TMEM263: variants seen among roughly 807,000 people sequenced by gnomAD.
TMEM263 encodes the protein UPF0444 transmembrane protein C12orf23.
Under a neutral mutation model 8.6 loss-of-function variants are expected in TMEM263, and 5 were observed. The observed-to-expected ratio is 0.58, with a 90% CI of 0.31 to 1.23. TMEM263 has a LOEUF of 1.23. TMEM263 is among the 50% of genes most tolerant of loss of function. TMEM263 has a pLI of 0.07. For missense variants in TMEM263, 104 were observed against 138.8 expected, an observed-to-expected ratio of 0.75 and a Z score of 1.26; for synonymous variants, 50 against 47.9, an observed-to-expected ratio of 1.04 and a Z score of -0.18.
At chr12:106,961,996 T>C (rs993018837) in intron 2 of TMEM263, among the ~76,000 whole-genome samples, 3 of 152,232 alleles carry the variant, frequency 2.0e-5, no homozygotes, top group Non-Finnish European at 4.4e-5. Context: ...TATTTATGAA[T>C]ATTACTGATT....
chr12:106,960,042 CT>C (rs371635955), intron 2 of TMEM263, among the ~76,000 whole-genome samples: 61 of 149,276 alleles, frequency 4.1e-4, no homozygotes, highest in African/African-American at 4.7e-4. Context: ...CAAAACTAAT[CT>C]TTTTTTTTTG....
intron 2 of TMEM263, among the ~76,000 whole-genome samples, chr12:106,964,869 A>T (rs1256870039): frequency 6.6e-6 from 1 of 152,210 alleles, no homozygotes; most frequent in Non-Finnish European, 1.5e-5. Flanking sequence ...CATCCAAGCC[A>T]CCAACATTTT....
chr12:106,967,375 C>T (rs1464554856), intron 3 of TMEM263, 195 bp downstream of exon 3: 2 of 412,076 alleles, frequency 4.9e-6, no homozygotes, highest in African/African-American at 2.1e-5. Context: ...TCTCCTGCCT[C>T]AGCCTCCCAA....
At position 106,974,006 on chromosome 12, in the gene TMEM263, T is replaced by G. The variant is rs1196291833; in HGVS notation, c.*2615T>G. ...CAAACGATGGAATGTTTCATAAAGATCTAAAGAAATAAAGGAAACTTTAAA... is the reference window on the plus strand; with the variant it reads ...CAAACGATGGAATGTTTCATAAAGAGCTAAAGAAATAAAGGAAACTTTAAA... On this transcript the variant is annotated 3_prime_UTR_variant, in exon 4 of 4. Transcript: ENST00000280756. 6.6e-6 allele frequency: 1 copy of G among 152,328 alleles called. No homozygotes were observed. Among genetic ancestry groups the G allele is most frequent in the East Asian group, 1.9e-4 (1 of 5,206 alleles). 9.4% of individuals were successfully genotyped at this position (152,328 alleles called of 1,614,324 possible). A position where few individuals can be genotyped will look rare whatever the true frequency, so the allele number is the denominator to read the frequency against.
Position 106,971,117 on chromosome 12 carries a change from A to G in TMEM263, c.77A>G (p.Asp26Gly). The G allele has an allele frequency of 1.2e-6, 2 of 1,614,060 alleles. No individual in the cohort carries two copies. Among genetic ancestry groups the G allele is most frequent in the Admixed American group, 1.7e-5 (1 of 60,014 alleles). Residue 26 changes from aspartate (D) to glycine (G), a missense_variant, in exon 4 of 4, where the codon GAT (aspartate) becomes GGT (glycine). Transcript: ENST00000280756. ...TTTCTCTCATTAGGTTCAATGAAAGATCACCCACAGCAGCAGCCAGGCATG... is the reference window on the plus strand; with the variant it reads ...TTTCTCTCATTAGGTTCAATGAAAGGTCACCCACAGCAGCAGCCAGGCATG... ...NDEPPEGSMK[D>G]HPQQQPGMLS...
chr12:106,960,515 G>T (rs1021691964), intron 2 of TMEM263, among the ~76,000 whole-genome samples: 2 of 152,034 alleles, frequency 1.3e-5, no homozygotes, highest in Admixed American at 1.3e-4. Context: ...AATTTTAAAT[G>T]CAATTGAATA....
chr12:106,969,191 G>A (rs1456530899), intron 3 of TMEM263, among the ~76,000 whole-genome samples: 1 of 152,110 alleles, frequency 6.6e-6, no homozygotes, highest in East Asian at 1.9e-4. Flanking sequence ...CTTGTGCATT[G>A]GAAAGCTCAG....
intron 2 of TMEM263, among the ~76,000 whole-genome samples, chr12:106,958,693 T>A (rs1329383812): frequency 6.6e-6 from 1 of 152,236 alleles, no homozygotes; most frequent in African/African-American, 2.4e-5. Context: ...TAGAACTGAT[T>A]TATGTCTGTA....
chr12:106,966,179 CTTCT>C (rs1951844832), intron 2 of TMEM263, among the ~76,000 whole-genome samples: 1 of 152,130 alleles, frequency 6.6e-6, no homozygotes, highest in Non-Finnish European at 1.5e-5. Context: ...CTCTTGTTAC[CTTCT>C]TTGTGTCCAT....
chr12:106,960,124 T>C (rs1951750195), intron 2 of TMEM263, among the ~76,000 whole-genome samples: 1 of 152,050 alleles, frequency 6.6e-6, no homozygotes, highest in African/African-American at 2.4e-5. Flanking sequence ...AACCTCTGCC[T>C]CCTGGGTTCA....
intron 2 of TMEM263, among the ~76,000 whole-genome samples, chr12:106,961,351 C>T (rs770399065): frequency 2.8e-5 from 4 of 143,168 alleles, no homozygotes; most frequent in Non-Finnish European, 4.5e-5. Flanking sequence ...GCTGGGATTA[C>T]AATATTTTCT....
At chr12:106,966,659 A>G (rs994342205) in intron 2 of TMEM263, among the ~76,000 whole-genome samples, 1 of 152,210 alleles carries the variant, frequency 6.6e-6, no homozygotes, top group African/African-American at 2.4e-5. Flanking sequence ...TTTTAATAAT[A>G]ACCATTCTGT....
chr12:106,960,223 T>TG (rs1481181377), intron 2 of TMEM263, among the ~76,000 whole-genome samples: 4 of 152,088 alleles, frequency 2.6e-5, no homozygotes, highest in Middle Eastern at 6.8e-3. Flanking sequence ...TTAGTAGAGA[T>TG]GGGGTTTCAC....
rs1263738527 is a variant in TMEM263, at chr12:106,972,862, T to C, written c.*1471T>C. On this transcript the variant is annotated 3_prime_UTR_variant, in exon 4 of 4. Coordinates refer to ENST00000280756, the MANE Select transcript of TMEM263 (RefSeq NM_152261.4). Reference sequence around the variant, plus strand: ...GAAATTTGTCTCCATTCTGCCACCTTTTTTTTTTTTTTTTTTTATAGTGGA... The same window carrying C: ...GAAATTTGTCTCCATTCTGCCACCTCTTTTTTTTTTTTTTTTTATAGTGGA... The C allele has an allele frequency of 1.1e-5, 1 of 94,278 alleles. No homozygotes were observed. Among genetic ancestry groups the C allele is most frequent in the African/African-American group, 6.1e-5 (1 of 16,392 alleles). 5.8% of individuals were successfully genotyped at this position (94,278 alleles called of 1,614,324 possible).
chr12:106,958,882 A>T (rs1951733448), intron 2 of TMEM263, among the ~76,000 whole-genome samples: 1 of 152,196 alleles, frequency 6.6e-6, no homozygotes, highest in Admixed American at 6.5e-5. Context: ...AAGTGCTGGG[A>T]TTACAGGCAT....
intron 2 of TMEM263, among the ~76,000 whole-genome samples, chr12:106,961,672 TATTTGGGG>T (rs1951780094): frequency 6.6e-6 from 1 of 152,206 alleles, no homozygotes; most frequent in South Asian, 2.1e-4. Context: ...ACAGGCTAAA[TATTTGGGG>T]GAAACAAGAC....
intron 2 of TMEM263, among the ~76,000 whole-genome samples, chr12:106,965,855 A>C (rs1477305019): frequency 1.3e-5 from 2 of 152,098 alleles, no homozygotes; most frequent in East Asian, 3.9e-4. Flanking sequence ...TGTTCATAAG[A>C]GCTTTAAGAA....
chr12:106,973,552 TAA>T lies in TMEM263; in HGVS notation c.*2162_*2163del, dbSNP rs898501595. 6.6e-6 allele frequency: 1 copy of T among 152,568 alleles called. No homozygotes were observed. The highest frequency in any genetic ancestry group is 1.5e-5 in the Non-Finnish European group (1 of 68,028). 9.5% of individuals were successfully genotyped at this position (152,568 alleles called of 1,614,324 possible). ...CAGGATTGTTTTAAATTCTAAACTA[TAA>T]GTTTGTTCAGAGGGGCTTTTGCAAT... On this transcript the variant is annotated 3_prime_UTR_variant, in exon 4 of 4. Transcript: ENST00000280756.
At chr12:106,962,280 A>G (rs1322714152) in intron 2 of TMEM263, among the ~76,000 whole-genome samples, 1 of 149,872 alleles carries the variant, frequency 6.7e-6, no homozygotes, top group Non-Finnish European at 1.5e-5. Flanking sequence ...GTCTTTTTGT[A>G]TGCATTTTTT....
Sources: allele counts gnomAD v4.1 joint callset (sites outside exome capture counted in the v4.1 genomes callset), GRCh38; gene constraint gnomAD v4.1.1; transcripts MANE v1.5; gene names NCBI Gene and HGNC (gene_info 2026-07-23, HGNC 2026-07-21).